RAB31: variants seen among roughly 807,000 people sequenced by gnomAD.
RAB31 encodes the protein ras-related protein Rab-31.
Under a neutral mutation model 25.6 loss-of-function variants are expected in RAB31, and 21 were observed. The observed-to-expected ratio is 0.82, with a 90% CI of 0.58 to 1.18. The LOEUF (loss-of-function observed/expected upper bound fraction) is 1.18. Ranked by LOEUF, RAB31 falls within the 50% of genes most tolerant of loss-of-function variation. RAB31 has a pLI of 0.00. For synonymous variants in RAB31, 87 were observed against 84.0 expected (o/e 1.04, Z -0.20); for missense variants, 196 against 250.1 (o/e 0.78, Z 1.46).
rs2068844747 is a variant in RAB31 at position 9,861,045 on chromosome 18, T to C, written c.*1720T>C. The C allele has an allele frequency of 1.3e-5, 2 of 151,314 alleles. No homozygotes were observed. Among genetic ancestry groups the C allele is most frequent in the Admixed American group, 1.3e-4 (2 of 15,148 alleles). 9.4% of individuals were successfully genotyped at this position (151,314 alleles called of 1,614,324 possible). A position where few individuals can be genotyped will look rare whatever the true frequency, so the allele number is the denominator to read the frequency against. The stretch of plus-strand genomic sequence containing the variant: ...AGGGTTTTTTCCACATTGTCCACAT[T>C]AATGGTTGGCATGATTGTGCTTGCA... On this transcript the variant is annotated 3_prime_UTR_variant, in exon 7 of 7. Coordinates refer to ENST00000578921, the MANE Select transcript of RAB31 (RefSeq NM_006868.4).
intron 5 of RAB31, among the ~76,000 whole-genome samples, chr18:9,818,252 A>C (rs1164302806): frequency 6.6e-6 from 1 of 152,214 alleles, no homozygotes. Context: ...CACCTGTTTT[A>C]AGTGTATACA....
intron 6 of RAB31, among the ~76,000 whole-genome samples, chr18:9,853,923 AT>A (rs1286705572): frequency 6.7e-6 from 1 of 149,370 alleles, no homozygotes; most frequent in African/African-American, 2.5e-5. Context: ...AAGCCTAATG[AT>A]TTTTTTTAAG....
At chr18:9,793,816 A>G (rs957118741) in intron 3 of RAB31, among the ~76,000 whole-genome samples, 3 of 152,206 alleles carry the variant, frequency 2.0e-5, no homozygotes, top group Non-Finnish European at 2.9e-5. Context: ...TCCAAACTCA[A>G]ATGTCACCTT....
At chr18:9,742,946 C>T (rs562173417) in intron 1 of RAB31, among the ~76,000 whole-genome samples, 26 of 152,166 alleles carry the variant, frequency 1.7e-4, no homozygotes, top group Non-Finnish European at 2.9e-5. Context: ...TTTTCAAAGT[C>T]GCAAATGAAA....
chr18:9,767,992 A>C (rs2068324976), intron 1 of RAB31, among the ~76,000 whole-genome samples: 1 of 151,744 alleles, frequency 6.6e-6, no homozygotes, highest in Non-Finnish European at 1.5e-5. Context: ...TTCCTGTGTT[A>C]GTTTGCTGAG....
intron 3 of RAB31, among the ~76,000 whole-genome samples, chr18:9,810,334 T>A (rs562469293): frequency 1.3e-5 from 2 of 152,266 alleles, no homozygotes; most frequent in African/African-American, 4.8e-5. Context: ...GTCTTATTTC[T>A]GACCCCACAG....
intron 1 of RAB31, among the ~76,000 whole-genome samples, chr18:9,724,297 AAC>A (rs1296570079): frequency 0.019 from 2,817 of 146,662 alleles, 61 homozygotes; most frequent in Middle Eastern, 0.04. Flanking sequence ...ACAAAAAAAA[AAC>A]ATTATTATTG....
chr18:9,813,387 T>C (rs1044455541), intron 3 of RAB31, among the ~76,000 whole-genome samples: 1 of 152,184 alleles, frequency 6.6e-6, no homozygotes, highest in African/African-American at 2.4e-5. Flanking sequence ...GAGATTACCC[T>C]GGGTCAGTCA....
At chr18:9,758,367 G>A (rs1284639965) in intron 1 of RAB31, among the ~76,000 whole-genome samples, 2 of 151,902 alleles carry the variant, frequency 1.3e-5, no homozygotes, top group Non-Finnish European at 2.9e-5. Flanking sequence ...TTTGCCTCCT[G>A]GGGGGAAAAG....
In RAB31 at chr18:9,789,086, G is replaced by A. The variant is rs117177521; in HGVS notation, c.120-3068G>A. Among the ~76,000 whole-genome samples, 131 of 152,330 alleles carry A rather than the reference G, an allele frequency of 8.6e-4. No homozygotes were observed. In the East Asian group the frequency reaches 0.017, roughly 20 times the overall value. ...GAAATCCTGTCATTCATGGCAACAT[G>A]GATGAACCTGGAGGACATTTCGTTA... On this transcript the variant is annotated intron_variant, in intron 2 of 6. Transcript: ENST00000578921.
intron 2 of RAB31, among the ~76,000 whole-genome samples, chr18:9,775,801 C>A (rs1377015724): frequency 6.6e-6 from 1 of 151,586 alleles, no homozygotes; most frequent in Non-Finnish European, 1.5e-5. Context: ...TTTTTTTTTA[C>A]TTCTTGAGAC....
At chr18:9,753,414 T>C (rs559492365) in intron 1 of RAB31, among the ~76,000 whole-genome samples, 2 of 152,224 alleles carry the variant, frequency 1.3e-5, no homozygotes, top group Non-Finnish European at 2.9e-5. Context: ...TGCCATGTGA[T>C]GCCCTGCTCC....
intron 1 of RAB31, among the ~76,000 whole-genome samples, chr18:9,770,938 G>A (rs2068341739): frequency 2.0e-5 from 3 of 151,566 alleles, no homozygotes; most frequent in South Asian, 2.1e-4. Flanking sequence ...TGAGGCCGGA[G>A]GATCATTTGA....
At chr18:9,771,920 C>G (rs956772057) in intron 1 of RAB31, among the ~76,000 whole-genome samples, 2 of 152,178 alleles carry the variant, frequency 1.3e-5, no homozygotes, top group Non-Finnish European at 1.5e-5. Context: ...AATAAAGAGA[C>G]AGTGACTTTG....
At chr18:9,754,645 G>T (rs994114712) in intron 1 of RAB31, among the ~76,000 whole-genome samples, 1 of 152,174 alleles carries the variant, frequency 6.6e-6, no homozygotes, top group Non-Finnish European at 1.5e-5. Flanking sequence ...TAGCATTTAT[G>T]TTGTATAGGT....
At chr18:9,800,944 C>T (rs184051601) in intron 3 of RAB31, among the ~76,000 whole-genome samples, 56 of 152,292 alleles carry the variant, frequency 3.7e-4, no homozygotes, top group African/African-American at 1.1e-3. Flanking sequence ...CAGAAAGAAA[C>T]GCTTATGAAT....
At chr18:9,852,875 C>A (rs2068796178) in intron 6 of RAB31, among the ~76,000 whole-genome samples, 1 of 152,194 alleles carries the variant, frequency 6.6e-6, no homozygotes, top group African/African-American at 2.4e-5. Flanking sequence ...CCAGTTGCTC[C>A]AAGTCCTTGT....
chr18:9,822,873 C>T (rs368217919), intron 5 of RAB31, among the ~76,000 whole-genome samples: 6 of 152,174 alleles, frequency 3.9e-5, no homozygotes, highest in East Asian at 3.8e-4. Context: ...TAAAACTAAA[C>T]GTGCAGTTAC....
intron 3 of RAB31, among the ~76,000 whole-genome samples, chr18:9,807,046 C>T (rs117261719): frequency 5.7e-4 from 87 of 152,254 alleles, no homozygotes; most frequent in East Asian, 5.2e-3. Context: ...AAACTTTGGA[C>T]GTCCAGTCAA....
Sources: allele counts gnomAD v4.1 joint callset (sites outside exome capture counted in the v4.1 genomes callset), GRCh38; gene constraint gnomAD v4.1.1; transcripts MANE v1.5; gene names NCBI Gene and HGNC (gene_info 2026-07-23, HGNC 2026-07-21).